The following SMYD3 variants were observed in gnomAD, a reference collection of about 807,000 sequenced individuals.
The protein encoded by SMYD3 is SET and MYND domain containing 3.
Under a neutral mutation model 57.7 loss-of-function variants are expected in SMYD3, and 36 were observed. The observed-to-expected ratio is 0.62, with a 90% CI of 0.48 to 0.82. SMYD3 has a LOEUF of 0.82. SMYD3 is among the 40% of genes least tolerant of loss of function. The pLI is 0.00. For synonymous variants in SMYD3, 211 were observed against 195.0 expected, an observed-to-expected ratio of 1.08 and a Z score of -0.68; for missense variants, 515 against 538.8, an observed-to-expected ratio of 0.96 and a Z score of 0.44.
intron 5 of SMYD3, among the ~76,000 whole-genome samples, chr1:246,277,871 G>C (rs1428582475): frequency 6.6e-6 from 1 of 152,184 alleles, no homozygotes; most frequent in Non-Finnish European, 1.5e-5. Context: ...CAGACGTGTA[G>C]GAGGATTGAT....
chr1:246,096,429 T>C (rs2060916464), intron 5 of SMYD3: 1 of 152,192 alleles, frequency 6.6e-6, no homozygotes, highest in Admixed American at 6.5e-5. Context: ...TGGCAAAAAG[T>C]ATAGCTGAAT....
chr1:246,342,614 T>C (rs896507725), intron 2 of SMYD3, among the ~76,000 whole-genome samples: 1 of 152,184 alleles, frequency 6.6e-6, no homozygotes, highest in African/African-American at 2.4e-5. Context: ...GTGATAGATA[T>C]GAGACTTCTC....
intron 11 of SMYD3, among the ~76,000 whole-genome samples, chr1:245,757,744 GGTTT>G (rs1047410526): frequency 6.6e-6 from 1 of 151,994 alleles, no homozygotes; most frequent in Non-Finnish European, 1.5e-5. Context: ...TATATGCGAG[GGTTT>G]ATTTCTGGGC....
intron 5 of SMYD3, among the ~76,000 whole-genome samples, chr1:246,153,186 C>T (rs1425982716): frequency 1.3e-5 from 2 of 152,118 alleles, no homozygotes; most frequent in Non-Finnish European, 2.9e-5. Flanking sequence ...GAAGCCACAG[C>T]CCTGCTACCA....
At chr1:245,921,039 C>T (rs894973510) in intron 7 of SMYD3, among the ~76,000 whole-genome samples, 3 of 152,160 alleles carry the variant, frequency 2.0e-5, no homozygotes, top group Non-Finnish European at 4.4e-5. Context: ...AACTATGCAT[C>T]TGACAAAGGT....
At chr1:246,071,548 T>C (rs2060443999) in intron 5 of SMYD3, among the ~76,000 whole-genome samples, 1 of 152,212 alleles carries the variant, frequency 6.6e-6, no homozygotes, top group Admixed American at 6.5e-5. Flanking sequence ...GGTGCCATTA[T>C]AATCCCAAAG....
chr1:246,245,204 T>C (rs920188812), intron 5 of SMYD3, among the ~76,000 whole-genome samples: 1 of 148,654 alleles, frequency 6.7e-6, no homozygotes, highest in African/African-American at 2.5e-5. Context: ...CCAGACATGG[T>C]GGCTGAGGCG....
chr1:246,132,765 A>T (rs558306289), intron 5 of SMYD3, among the ~76,000 whole-genome samples: 1 of 152,274 alleles, frequency 6.6e-6, no homozygotes, highest in South Asian at 2.1e-4. Flanking sequence ...GAATATATGG[A>T]TAACTCCAAA....
chr1:245,971,531 G>A (rs1285292862), intron 5 of SMYD3, among the ~76,000 whole-genome samples: 2 of 152,128 alleles, frequency 1.3e-5, no homozygotes, highest in East Asian at 1.9e-4. Flanking sequence ...AATCTATTAA[G>A]AGAACGCACA....
At chr1:245,783,146 T>C (rs1350973137) in intron 10 of SMYD3, among the ~76,000 whole-genome samples, 1 of 152,200 alleles carries the variant, frequency 6.6e-6, no homozygotes, top group African/African-American at 2.4e-5. Flanking sequence ...TGGTGTCACA[T>C]TGAATACGGG....
chr1:246,208,300 G>A (rs955224793), intron 5 of SMYD3, among the ~76,000 whole-genome samples: 4 of 152,096 alleles, frequency 2.6e-5, no homozygotes, highest in East Asian at 1.9e-4. Flanking sequence ...TTCACTTCAC[G>A]TGGTGAAGTG....
chr1:245,839,404 C>T (rs10924356), intron 10 of SMYD3, among the ~76,000 whole-genome samples: 149,930 of 151,614 alleles, frequency 0.99, 74,154 homozygotes, highest in Middle Eastern at 1. Context: ...CTCCTGACCT[C>T]GTGATCCGCC....
At chr1:246,327,436 C>A in intron 4 of SMYD3, 99 bp from the exon 5 acceptor site, 1 of 1,032,906 alleles carries the variant, frequency 9.7e-7, no homozygotes, top group Non-Finnish European at 1.4e-6. Flanking sequence ...ATATTTCCTA[C>A]CTTACATTGG....
At chr1:246,283,971 G>C (rs2064504041) in intron 5 of SMYD3, among the ~76,000 whole-genome samples, 1 of 152,146 alleles carries the variant, frequency 6.6e-6, no homozygotes, top group Non-Finnish European at 1.5e-5. Flanking sequence ...GACTAAAATA[G>C]CATATCAACC....
chr1:246,401,255 G>C (rs746168416), intron 1 of SMYD3, among the ~76,000 whole-genome samples: 3 of 152,148 alleles, frequency 2.0e-5, no homozygotes, highest in Non-Finnish European at 2.9e-5. Flanking sequence ...TCAGCACTTT[G>C]GGAGGCCAAG....
chr1:246,117,637 T>C (rs2061361992), intron 5 of SMYD3, among the ~76,000 whole-genome samples: 1 of 152,118 alleles, frequency 6.6e-6, no homozygotes, highest in Admixed American at 6.6e-5. Flanking sequence ...CTCTCTCCCT[T>C]CAACTTAGAA....
At chr1:245,774,644 C>A (rs979825471) in intron 10 of SMYD3, among the ~76,000 whole-genome samples, 1 of 126,794 alleles carries the variant, frequency 7.9e-6, no homozygotes, top group Admixed American at 9.1e-5. Flanking sequence ...CCCACAGTCT[C>A]CCTCTCCCTC....
intron 5 of SMYD3, among the ~76,000 whole-genome samples, chr1:245,967,815 A>C (rs1302650061): frequency 6.6e-6 from 1 of 152,214 alleles, no homozygotes; most frequent in Non-Finnish European, 1.5e-5. Flanking sequence ...TTACCCAAAT[A>C]AAATAGCAGA....
intron 5 of SMYD3, among the ~76,000 whole-genome samples, chr1:246,312,631 C>T (rs1170173287): frequency 6.6e-6 from 1 of 152,010 alleles, no homozygotes; most frequent in Non-Finnish European, 1.5e-5. Context: ...CTGCACACGA[C>T]GAATCTGAAG....
Sources: gnomAD v4.1 joint callset for allele counts (sites outside exome capture counted in the v4.1 genomes callset) on GRCh38, gnomAD v4.1.1 for gene constraint, MANE v1.5 for transcripts, NCBI Gene and HGNC (gene_info 2026-07-23, HGNC 2026-07-21) for gene names.